The following MED13 variants were observed in gnomAD, a reference collection of about 807,000 sequenced individuals.
MED13 encodes mediator of RNA polymerase II transcription subunit 13.
In MED13, 23 loss-of-function variants were observed where a neutral mutation model predicts 225.2. The ratio of observed to expected loss-of-function variants is 0.10; its 90% CI spans 0.07 to 0.14. The LOEUF (loss-of-function observed/expected upper bound fraction) is 0.14, where lower values mean the gene tolerates loss of function less well. Ranked by LOEUF, MED13 falls within the 10% of genes least tolerant of loss-of-function variation. The probability of loss-of-function intolerance (pLI) is 1.00; values close to 1 mark genes in which losing one functional copy is unlikely to be tolerated. For synonymous variants in MED13, 942 were observed against 889.2 expected (o/e 1.06, Z -1.06); for missense variants, 2,197 against 2,594.5 (o/e 0.85, Z 3.33).
chr17:62,062,598 CACCACA>C (rs371899153), intron 2 of MED13, among the ~76,000 whole-genome samples: 2,162 of 103,448 alleles, frequency 0.021, 55 homozygotes, highest in African/African-American at 0.073. Flanking sequence ...CACACACACA[CACCACA>C]CACACACACA....
rs184172789 is a variant in MED13 at position 62,009,324 on chromosome 17, G to A, written c.1967+1226C>T. On this transcript the variant is annotated intron_variant, in intron 9 of 29. Coordinates refer to ENST00000397786, the MANE Select transcript of MED13 (RefSeq NM_005121.3). ...ACAAAGAAGGCAAACCACCAATGGAGGAAGAAACCTATAGCACATAAAACT... is the reference window on the plus strand; with the variant it reads ...ACAAAGAAGGCAAACCACCAATGGAAGAAGAAACCTATAGCACATAAAACT... Among the ~76,000 whole-genome samples the A allele has an allele frequency of 8.4e-4, 128 of 152,230 alleles. No individual in the cohort carries two copies. In the Middle Eastern group the frequency reaches 0.01, roughly 12 times the overall value.
At chr17:62,039,740 T>TG (rs940784645) in intron 3 of MED13, among the ~76,000 whole-genome samples, 4 of 152,036 alleles carry the variant, frequency 2.6e-5, no homozygotes, top group African/African-American at 9.7e-5. Flanking sequence ...GACAGGCGCC[T>TG]GCCACTGCGT....
At chr17:62,053,606 G>A (rs2080974025) in intron 2 of MED13, among the ~76,000 whole-genome samples, 1 of 152,098 alleles carries the variant, frequency 6.6e-6, no homozygotes, top group Non-Finnish European at 1.5e-5. Context: ...TTCATTACAA[G>A]ATTTTAAATT....
rs186840249 is a variant in MED13 at position 62,033,773 on chromosome 17, C to T, written c.814+14G>A. On this transcript the variant is annotated intron_variant, in intron 5 of 29. Coordinates refer to ENST00000397786, the MANE Select transcript of MED13 (RefSeq NM_005121.3). ...ATGCATTTTCCCCTTAGGAATAATA[C>T]TCAGGATCCATACCAACAAGAACTT... The T allele has an allele frequency of 3.9e-5, 63 of 1,612,066 alleles. 1 individual carries two copies. In the South Asian group the frequency reaches 5.1e-4, roughly 13 times the overall value.
In MED13 at chr17:61,984,767, T is replaced by A. The variant is rs772740142; in HGVS notation, c.2575A>T (p.Ser859Cys). The A allele has an allele frequency of 3.1e-6, 5 of 1,613,078 alleles. No individual in the cohort carries two copies. Among genetic ancestry groups the A allele is most frequent in the Non-Finnish European group, 4.2e-6 (5 of 1,179,006 alleles). ...GTTCCTCCAGGTGTTGTATCCATAC[T>A]ACCATATTCTTTATTATTCATATTC... is the stretch of plus-strand genomic sequence containing the variant. ...PMNMNNKEYG[S>C]MDTTPGGTVL... The change falls in exon 14 of 30, where the codon AGT becomes TGT. Residue 859 changes from serine (S) to cysteine (C), a missense_variant. By Grantham distance (112) the Ser-to-Cys change is moderately radical (BLOSUM62 -1). Around this residue, in one of 12 missense-constraint regions of MED13, gnomAD observed 160 missense variants for 184.8 expected, o/e 0.87. Transcript: ENST00000397786.
At chr17:61,985,991 C>T (rs919130621) in intron 12 of MED13, among the ~76,000 whole-genome samples, 11 of 152,150 alleles carry the variant, frequency 7.2e-5, no homozygotes, top group Non-Finnish European at 1.0e-4. Context: ...CAAGCTCTTA[C>T]CAGTGTTTTC....
chr17:61,988,830 A>G (rs1481488590), intron 11 of MED13, among the ~76,000 whole-genome samples: 2 of 152,060 alleles, frequency 1.3e-5, no homozygotes, highest in African/African-American at 2.4e-5. Flanking sequence ...TATGTTGGGA[A>G]CACTTAAAAT....
chr17:61,957,941 T>C (rs1473813879), intron 23 of MED13, among the ~76,000 whole-genome samples: 2 of 152,050 alleles, frequency 1.3e-5, no homozygotes, highest in African/African-American at 2.4e-5. Flanking sequence ...CTCAGCTCAC[T>C]GCAAGTTCCG....
chr17:61,969,612 T>A (rs1160388419), intron 17 of MED13, among the ~76,000 whole-genome samples: 3 of 152,104 alleles, frequency 2.0e-5, no homozygotes, highest in African/African-American at 7.2e-5. Flanking sequence ...TTTTTTTTTG[T>A]TTTGTTTTTG....
Position 62,035,485 on chromosome 17 carries a change from T to C in MED13, c.594A>G (p.Gln198=). 1 of 1,611,878 alleles carries C rather than the reference T, an allele frequency of 6.2e-7. No homozygotes were observed. The highest frequency in any genetic ancestry group is 8.5e-7 in the Non-Finnish European group (1 of 1,178,788). ...LLSEEHITLA[Q]QSNSPFQVIL... Reference sequence around the variant, plus strand: ...TACCTTGAAATGGGCTATTAGACTGTTGAGCAAGGGTGATATGCTCTTCAC... The same window carrying C: ...TACCTTGAAATGGGCTATTAGACTGCTGAGCAAGGGTGATATGCTCTTCAC... The change falls in exon 4 of 30, where the codon CAA becomes CAG. Residue 198 remains glutamine (Q), a synonymous_variant. Transcript: ENST00000397786.
At chr17:61,950,743 C>G (rs899719375) in intron 28 of MED13, 82 bp downstream of exon 28, 12 of 1,401,584 alleles carry the variant, frequency 8.6e-6, no homozygotes, top group African/African-American at 1.4e-5. Context: ...AGCTATAAGA[C>G]TTAAAAAAGC....
intron 8 of MED13, among the ~76,000 whole-genome samples, chr17:62,015,628 C>CAGTG (rs1484849090): frequency 6.7e-6 from 1 of 149,126 alleles, no homozygotes; most frequent in African/African-American, 2.5e-5. Flanking sequence ...GGCTGGAGTG[C>CAGTG]AGTGGCGTGA....
At chr17:62,063,906 C>T (rs905160243) in intron 1 of MED13, among the ~76,000 whole-genome samples, 2 of 152,114 alleles carry the variant, frequency 1.3e-5, no homozygotes, top group Non-Finnish European at 1.5e-5. Flanking sequence ...AATATAAAAC[C>T]TGGTGTATGT....
chr17:62,065,017 C>G (rs1259086446), intron 1 of MED13, 123 bp downstream of exon 1: 16 of 801,438 alleles, frequency 2.0e-5, no homozygotes, highest in Non-Finnish European at 2.9e-5. Context: ...CGCAGGGCGC[C>G]GGCTCCGGCT....
At chr17:62,025,232 G>C (rs2080689837) in intron 8 of MED13, among the ~76,000 whole-genome samples, 2 of 152,172 alleles carry the variant, frequency 1.3e-5, no homozygotes, top group Non-Finnish European at 1.5e-5. Context: ...GGGTAAAAGT[G>C]ACCACAGACA....
intron 2 of MED13, 82 bp from the exon 3 acceptor site, chr17:62,052,787 T>C (rs1260249037): frequency 2.1e-6 from 2 of 957,722 alleles, no homozygotes; most frequent in Non-Finnish European, 2.9e-6. Context: ...CAGTTTAAAC[T>C]CTATATTCAT....
chr17:61,994,018 T>A (rs1335449212), intron 10 of MED13, among the ~76,000 whole-genome samples: 4 of 151,726 alleles, frequency 2.6e-5, no homozygotes, highest in Non-Finnish European at 4.4e-5. Context: ...TTTTTTTTTT[T>A]AAACGGAGTA....
chr17:61,971,021 AAATAAT>A (rs1047913976), intron 17 of MED13, among the ~76,000 whole-genome samples: 30 of 151,948 alleles, frequency 2.0e-4, no homozygotes, highest in African/African-American at 7.0e-4. Flanking sequence ...CAAATCTCAA[AAATAAT>A]AATAATAAAT....
intron 11 of MED13, among the ~76,000 whole-genome samples, chr17:61,989,039 T>C (rs2080272519): frequency 1.3e-5 from 2 of 149,000 alleles, no homozygotes; most frequent in Non-Finnish European, 3.0e-5. Context: ...TGAGACAGAG[T>C]CTCGCTCTGT....
Sources: gnomAD v4.1 joint callset for allele counts (sites outside exome capture counted in the v4.1 genomes callset) on GRCh38, gnomAD v4.1.1 for gene constraint, gnomAD v4.1.1 regional missense constraint, MANE v1.5 for transcripts, NCBI Gene and HGNC (gene_info 2026-07-23, HGNC 2026-07-21) for gene names.